Variants in LRMDA observed in about 807,000 individuals in gnomAD.
LRMDA encodes the protein leucine-rich melanocyte differentiation-associated protein.
Under a neutral mutation model 29.8 loss-of-function variants are expected in LRMDA, and 18 were observed. The ratio of observed to expected loss-of-function variants is 0.60; its 90% CI spans 0.42 to 0.90. The LOEUF (loss-of-function observed/expected upper bound fraction) is 0.90. LRMDA is among the 40% of genes least tolerant of loss of function. The pLI is 0.00. For missense variants in LRMDA, 273 were observed against 273.9 expected, an observed-to-expected ratio of 1.00 and a Z score of 0.02; for synonymous variants, 125 against 109.4, an observed-to-expected ratio of 1.14 and a Z score of -0.89.
At chr10:76,452,205 C>T (rs949934825) in intron 6 of LRMDA, among the ~76,000 whole-genome samples, 2 of 152,060 alleles carry the variant, frequency 1.3e-5, no homozygotes, top group South Asian at 2.1e-4. Context: ...TCTTCAAATA[C>T]ACCTAAGTGT....
At chr10:75,909,760 T>C (rs921358952) in intron 2 of LRMDA, among the ~76,000 whole-genome samples, 4 of 152,228 alleles carry the variant, frequency 2.6e-5, no homozygotes, top group African/African-American at 9.6e-5. Context: ...CAAGTTAATA[T>C]ACATAAAGGA....
intron 5 of LRMDA, among the ~76,000 whole-genome samples, chr10:76,072,215 A>G (rs904704316): frequency 5.9e-5 from 9 of 152,176 alleles, no homozygotes; most frequent in Non-Finnish European, 5.9e-5. Context: ...CCCCCTGAGT[A>G]TATCGAAGAT....
At chr10:75,699,986 G>C (rs891661359) in intron 2 of LRMDA, among the ~76,000 whole-genome samples, 1 of 152,170 alleles carries the variant, frequency 6.6e-6, no homozygotes, top group African/African-American at 2.4e-5. Context: ...GATGCTGGAA[G>C]AAGAAGGAAT....
At chr10:75,959,564 G>A (rs1331580229) in intron 2 of LRMDA, among the ~76,000 whole-genome samples, 1 of 152,040 alleles carries the variant, frequency 6.6e-6, no homozygotes, top group Non-Finnish European at 1.5e-5. Flanking sequence ...AACTTCAAGG[G>A]GGGTTTGCTG....
In LRMDA at chr10:75,933,950, T is replaced by C. The variant is rs530088256; in HGVS notation, c.132-102058T>C. ...GTAAAGGTAATATACTGCACAGCTG[T>C]AAACAGCATCCCTAAGAACAAGTAC... On this transcript the variant is annotated intron_variant, in intron 2 of 6. Transcript: ENST00000611255. Among the ~76,000 whole-genome samples, 11 of 152,290 alleles carry C rather than the reference T, an allele frequency of 7.2e-5. No individual in the cohort carries two copies. In the East Asian group the frequency reaches 1.9e-3, roughly 27 times the overall value.
At chr10:75,488,959 C>T (rs1056334502) in intron 2 of LRMDA, among the ~76,000 whole-genome samples, 11 of 152,086 alleles carry the variant, frequency 7.2e-5, no homozygotes, top group Non-Finnish European at 1.5e-5. Context: ...AAACTGTGAC[C>T]GTTTGTGACG....
chr10:75,488,432 T>G (rs1337518331), intron 2 of LRMDA, among the ~76,000 whole-genome samples: 2 of 152,218 alleles, frequency 1.3e-5, no homozygotes, highest in Non-Finnish European at 2.9e-5. Flanking sequence ...TCTTTTGCAC[T>G]GACAGGTGTT....
chr10:75,455,539 C>T (rs1057029596), intron 2 of LRMDA, among the ~76,000 whole-genome samples: 1 of 152,156 alleles, frequency 6.6e-6, no homozygotes, highest in African/African-American at 2.4e-5. Flanking sequence ...GGGAACATAG[C>T]GACTCTGTCT....
At chr10:76,181,383 T>A (rs1176889735) in intron 5 of LRMDA, among the ~76,000 whole-genome samples, 1 of 152,184 alleles carries the variant, frequency 6.6e-6, no homozygotes, top group African/African-American at 2.4e-5. Flanking sequence ...ACTTCCCAAT[T>A]TCCTCCTGAA....
chr10:75,926,960 C>G (rs1301456182), intron 2 of LRMDA, among the ~76,000 whole-genome samples: 4 of 152,160 alleles, frequency 2.6e-5, no homozygotes, highest in Non-Finnish European at 5.9e-5. Context: ...CTTTAGGAAG[C>G]CTCCCCTAGT....
intron 2 of LRMDA, among the ~76,000 whole-genome samples, chr10:76,007,023 T>TGTGTGTGC (rs1847680033): frequency 3.1e-5 from 1 of 32,230 alleles, no homozygotes; most frequent in Non-Finnish European, 9.1e-5. Flanking sequence ...TGTGTGTGTG[T>TGTGTGTGC]GTGTGTGTGC....
At chr10:76,173,808 G>A (rs1045731559) in intron 5 of LRMDA, among the ~76,000 whole-genome samples, 2 of 152,030 alleles carry the variant, frequency 1.3e-5, no homozygotes, top group Non-Finnish European at 2.9e-5. Context: ...CTACAGGCAC[G>A]TGCCACCACA....
intron 2 of LRMDA, among the ~76,000 whole-genome samples, chr10:75,577,685 A>T (rs929353347): frequency 6.6e-6 from 1 of 152,212 alleles, no homozygotes; most frequent in African/African-American, 2.4e-5. Context: ...CTAACAGCAG[A>T]TCTCTCAGCG....
At chr10:75,442,468 C>T (rs1844339559) in intron 2 of LRMDA, among the ~76,000 whole-genome samples, 1 of 152,176 alleles carries the variant, frequency 6.6e-6, no homozygotes, top group Non-Finnish European at 1.5e-5. Flanking sequence ...TTTTCTTCCA[C>T]ATATGGATAT....
At chr10:76,535,312 G>T (rs1026184006) in intron 6 of LRMDA, among the ~76,000 whole-genome samples, 3 of 152,184 alleles carry the variant, frequency 2.0e-5, no homozygotes, top group Admixed American at 1.3e-4. Context: ...GAGGGGGTTG[G>T]AAGAAGAGGA....
intron 6 of LRMDA, among the ~76,000 whole-genome samples, chr10:76,495,060 T>A (rs1201007217): frequency 1.3e-5 from 2 of 151,922 alleles, no homozygotes; most frequent in African/African-American, 4.8e-5. Context: ...TTTTTTGCTA[T>A]CAACTCTAAG....
chr10:75,471,180 A>C (rs1257447151), intron 2 of LRMDA, among the ~76,000 whole-genome samples: 1 of 151,506 alleles, frequency 6.6e-6, no homozygotes, highest in Non-Finnish European at 1.5e-5. Flanking sequence ...AACCACTTAT[A>C]ATTTCATCAC....
At chr10:76,031,564 T>C (rs569961912) in intron 2 of LRMDA, among the ~76,000 whole-genome samples, 66 of 152,184 alleles carry the variant, frequency 4.3e-4, no homozygotes, top group African/African-American at 1.5e-3. Context: ...GGAGGCTGCA[T>C]GGAGATCCCC....
At chr10:76,325,631 GCCTCATAT>G (rs1182363956) in intron 6 of LRMDA, among the ~76,000 whole-genome samples, 1 of 152,030 alleles carries the variant, frequency 6.6e-6, no homozygotes, top group African/African-American at 2.4e-5. Context: ...CCTTAAATTA[GCCTCATAT>G]CCTCATGTGT....
Sources: allele counts gnomAD v4.1 joint callset (sites outside exome capture counted in the v4.1 genomes callset), GRCh38; gene constraint gnomAD v4.1.1; transcripts MANE v1.5; gene names NCBI Gene and HGNC (gene_info 2026-07-23, HGNC 2026-07-21).